The following PLPPR3 variants were observed in gnomAD, a reference collection of about 807,000 sequenced individuals.
PLPPR3 encodes the protein phospholipid phosphatase related 3, also known as phospholipid phosphatase-related protein type 3.
In PLPPR3, 14 loss-of-function variants were observed where a neutral mutation model predicts 27.3. The ratio of observed to expected loss-of-function variants is 0.51; its 90% CI spans 0.34 to 0.80. The LOEUF (loss-of-function observed/expected upper bound fraction) is 0.80. PLPPR3 is among the 30% of genes least tolerant of loss of function. The pLI, the probability that PLPPR3 is intolerant of heterozygous loss-of-function variation, is 0.01. For missense variants in PLPPR3, 1,287 were observed against 1,056.9 expected (o/e 1.22, Z -3.02); for synonymous variants, 671 against 508.0 (o/e 1.32, Z -4.32).
At position 813,562 on chromosome 19, in the gene PLPPR3, CG is replaced by C; in HGVS notation, c.1164del (p.Ala389ArgfsTer5). On this transcript the variant is annotated frameshift_variant, in exon 8 of 8. Transcript: ENST00000520876. LOFTEE classifies it low-confidence loss of function (END_TRUNC). This position sits in a 1 kb window ranked among gnomAD's most constrained non-coding sequence, Gnocchi z 4.1. ...PRASAPSLDD[P>X]ARRHMTIHVP... ...ACGTGGATGGTCATGTGGCGGCGCG[CG>C]GGGTCGTCCAGCGAGGGCGCGCTGG... The C allele has an allele frequency of 6.4e-7, 1 of 1,558,986 alleles. No homozygotes were observed.
chr19:823,450 A>AAAAAAAAAAAAAAAAAAAAAAC (rs111454578), upstream of PLPPR3, among the ~76,000 whole-genome samples: 12 of 143,878 alleles, frequency 8.3e-5, no homozygotes, highest in Middle Eastern at 3.6e-3. Flanking sequence ...TCAAAAAAAA[A>AAAAAAAAAAAAAAAAAAAAAAC]AAAAAAAACA....
Position 812,730 on chromosome 19 carries a change from C to T in PLPPR3, c.1997G>A (p.Gly666Glu), listed in dbSNP as rs2145057112. The T allele has an allele frequency of 1.9e-6, 2 of 1,064,344 alleles. No individual in the cohort carries two copies. The highest frequency in any genetic ancestry group is 2.3e-6 in the Non-Finnish European group (2 of 880,202). The allele number at this position is 1,064,344 out of a possible 1,614,324, so 65.9% of individuals were successfully genotyped here. A position where few individuals can be genotyped will look rare whatever the true frequency, so the allele number is the denominator to read the frequency against. ...ATCGGCCGCGCCCAGCGGGGGCAGC[C>T]CCTCGCCCGTGGCCAGGTTGACGGT... ...VATVNLATGE[G>E]LPPLGAADGA... is the part of the protein sequence containing the mutation. The change falls in exon 8 of 8, where the codon GGG becomes GAG. Residue 666 changes from glycine (G) to glutamate (E), a missense_variant. Coordinates refer to ENST00000520876, the MANE Select transcript of PLPPR3 (RefSeq NM_001270366.2).
chr19:815,968 G>A (rs894748905), intron 2 of PLPPR3, 117 bp from the exon 3 acceptor site: 11 of 984,016 alleles, frequency 1.1e-5, no homozygotes, highest in South Asian at 1.7e-5. Flanking sequence ...GATCCAACCC[G>A]CTCCCAGCCA....
chr19:816,993 A>G (rs1599261235), intron 2 of PLPPR3, among the ~76,000 whole-genome samples: 1 of 147,236 alleles, frequency 6.8e-6, no homozygotes, highest in South Asian at 2.1e-4. Flanking sequence ...CCATCCATCT[A>G]TCCACCCTCC....
rs1319339196 is a variant in PLPPR3, at chr19:813,958, T to C, written c.832-63A>G. The C allele has an allele frequency of 7.1e-6, 10 of 1,405,284 alleles. No individual in the cohort carries two copies. Among genetic ancestry groups the C allele is most frequent in the African/African-American group, 4.5e-5 (3 of 66,562 alleles). The allele number at this position is 1,405,284 out of a possible 1,614,324, so 87.1% of individuals were successfully genotyped here. ...TCAGAGGGCTCCTCCCCTGTGATCGTTGGACTTGCCGCGGGGGGCTCTGGA... is the reference window on the plus strand; with the variant it reads ...TCAGAGGGCTCCTCCCCTGTGATCGCTGGACTTGCCGCGGGGGGCTCTGGA... On this transcript the variant is annotated intron_variant, in intron 7 of 7. Coordinates refer to ENST00000520876, the MANE Select transcript of PLPPR3 (RefSeq NM_001270366.2). This position sits in a 1 kb window ranked among gnomAD's most constrained non-coding sequence, Gnocchi z 4.1.
chr19:815,888 C>T, intron 2 of PLPPR3, 37 bp from the exon 3 acceptor site: 8 of 1,599,462 alleles, frequency 5.0e-6, no homozygotes, highest in Non-Finnish European at 6.8e-6. Flanking sequence ...ACCCTGCTCT[C>T]CCTCGCGGAG....
chr19:813,455 G>A lies in PLPPR3; in HGVS notation c.1272C>T (p.Pro424=), dbSNP rs750656664. The A allele has an allele frequency of 2.6e-6, 4 of 1,530,848 alleles. No homozygotes were observed. Among genetic ancestry groups the A allele is most frequent in the East Asian group, 2.5e-5 (1 of 40,276 alleles). 94.8% of individuals were successfully genotyped at this position (1,530,848 alleles called of 1,614,324 possible). A position where few individuals can be genotyped will look rare whatever the true frequency, so the allele number is the denominator to read the frequency against. ...GCAGGTGCCCGGGGCTGGCGTCGTC[G>A]GGCAGCCCCAGGCCGCGGCCCTCCA... ...KSLEGRGLGL[P]DDASPGHLRA... Residue 424 remains proline (P), a synonymous_variant, in exon 8 of 8, where the codon CCC becomes CCT. Coordinates refer to ENST00000520876, the MANE Select transcript of PLPPR3 (RefSeq NM_001270366.2). The surrounding 1 kb of genome is among the most constrained non-coding windows in gnomAD (Gnocchi z 4.1).
In PLPPR3 at chr19:815,683, C is replaced by T. The variant is rs903398472; in HGVS notation, c.244G>A (p.Ala82Thr). 15 of 1,594,196 alleles carry T rather than the reference C, an allele frequency of 9.4e-6. No individual in the cohort carries two copies. The highest frequency in any genetic ancestry group is 1.3e-5 in the Non-Finnish European group (15 of 1,171,756). The change falls in exon 3 of 8, where the codon GCG becomes ACG. Residue 82 changes from alanine to threonine, a missense_variant. Physicochemically the swap from Ala to Thr is moderately conservative, Grantham distance 58 (BLOSUM62 0). Coordinates refer to ENST00000520876, the MANE Select transcript of PLPPR3 (RefSeq NM_001270366.2). ...PLLMLLSLAF[A>T]APAASIMVAE... The stretch of plus-strand genomic sequence containing the variant: ...GTGCTCACCGAGGCGGCAGGGGCCG[C>T]GAAGGCCAAGCTGAGCAGCATCAGC...
At chr19:821,002 C>T (rs993002310) in intron 2 of PLPPR3, among the ~76,000 whole-genome samples, 4 of 152,232 alleles carry the variant, frequency 2.6e-5, no homozygotes, top group African/African-American at 9.6e-5. Flanking sequence ...GTGCCTAACA[C>T]GTTTCCGTAT....
chr19:814,395 G>A (rs761621719), intron 7 of PLPPR3, 39 bp downstream of exon 7: 1 of 1,553,306 alleles, frequency 6.4e-7, no homozygotes, highest in South Asian at 1.2e-5. Context: ...CAGATCCCCT[G>A]GGAACCCATG....
At chr19:823,450 A>AAAAACCAAAC (rs1555703873), upstream of PLPPR3, among the ~76,000 whole-genome samples, 1 of 143,838 alleles carries the variant, frequency 7.0e-6, no homozygotes, top group Non-Finnish European at 1.5e-5. Context: ...TCAAAAAAAA[A>AAAAACCAAAC]AAAAAAAACA....
chr19:819,302 A>C (rs2035111148), intron 2 of PLPPR3, among the ~76,000 whole-genome samples: 1 of 63,180 alleles, frequency 1.6e-5, no homozygotes, highest in South Asian at 5.0e-4. Context: ...TTTTTCCGAG[A>C]TGGAGTCTCA....
In PLPPR3 at chr19:815,845, T is replaced by C; in HGVS notation, c.82A>G (p.Ile28Val). 2.5e-6 allele frequency: 4 copies of C among 1,612,386 alleles called. No homozygotes were observed. The highest frequency in any genetic ancestry group is 2.5e-6 in the Non-Finnish European group (3 of 1,179,684). The change falls in exon 3 of 8, where the codon ATA becomes GTA. Residue 28 changes from isoleucine (I) to valine (V), a missense_variant. Transcript: ENST00000520876. ...AAGGATACGATGGAAGAAGCCACTA[T>C]GGGCAGCTGTGGGGACAAGGTGGGC... is the stretch of plus-strand genomic sequence containing the variant. ...LPCFYFVELP[I>V]VASSIVSLYF...
chr19:818,110 C>T (rs537432126), intron 2 of PLPPR3, among the ~76,000 whole-genome samples: 4 of 152,126 alleles, frequency 2.6e-5, no homozygotes, highest in African/African-American at 7.2e-5. Flanking sequence ...GGGCCGGGTG[C>T]GGTGGCTCAC....
chr19:813,436 G>T lies in PLPPR3; in HGVS notation c.1291C>A (p.His431Asn), dbSNP rs2034982107. ...ATGGGTTCGGCGGGCGCGCGCAGGT[G>T]CCCGGGGCTGGCGTCGTCGGGCAGC... Reference protein sequence around the residue: ...LGLPDDASPGHLRAPAEPMAE... With the variant: ...LGLPDDASPGNLRAPAEPMAE... Residue 431 changes from histidine to asparagine, a missense_variant, in exon 8 of 8, where the codon CAC becomes AAC. Transcript: ENST00000520876. This position sits in a 1 kb window ranked among gnomAD's most constrained non-coding sequence, Gnocchi z 4.1. 6.6e-7 allele frequency: 1 copy of T among 1,519,208 alleles called. No individual in the cohort carries two copies. The highest frequency in any genetic ancestry group is 1.2e-5 in the South Asian group (1 of 82,016). The allele number at this position is 1,519,208 out of a possible 1,614,324, so 94.1% of individuals were successfully genotyped here. A position where few individuals can be genotyped will look rare whatever the true frequency, so the allele number is the denominator to read the frequency against.
chr19:818,288 T>A (rs1335023854), intron 2 of PLPPR3, among the ~76,000 whole-genome samples: 1 of 151,728 alleles, frequency 6.6e-6, no homozygotes, highest in African/African-American at 2.4e-5. Context: ...GAGGCTAAGG[T>A]GGGAGAATCG....
intron 2 of PLPPR3, among the ~76,000 whole-genome samples, chr19:816,142 A>T (rs924258988): frequency 9.9e-5 from 15 of 151,214 alleles, no homozygotes; most frequent in Non-Finnish European, 1.8e-4. Flanking sequence ...TCCACTGGGA[A>T]CCATCCATCC....
intron 2 of PLPPR3, among the ~76,000 whole-genome samples, chr19:816,706 T>TCCATCCACCCACCCACCCACCCAC (rs1219498021): frequency 2.2e-5 from 3 of 135,026 alleles, no homozygotes; most frequent in Non-Finnish European, 4.8e-5. Flanking sequence ...CACCCAACCG[T>TCCATCCACCCACCCACCCACCCAC]CCATCCATCC....
chr19:820,895 G>T (rs1310339663), intron 2 of PLPPR3, among the ~76,000 whole-genome samples: 4 of 151,498 alleles, frequency 2.6e-5, no homozygotes, highest in Non-Finnish European at 5.9e-5. Flanking sequence ...TGACCTAGGT[G>T]ATCCACCCGC....
Sources: gnomAD v4.1 joint callset for allele counts (sites outside exome capture counted in the v4.1 genomes callset) on GRCh38, gnomAD v4.1.1 for gene constraint, Gnocchi (gnomAD v3.1) non-coding constraint, MANE v1.5 for transcripts, NCBI Gene and HGNC (gene_info 2026-07-23, HGNC 2026-07-21) for gene names.